Variants in EIF3A observed in about 807,000 individuals in gnomAD.
The protein encoded by EIF3A is EIF3, p180 subunit.
EIF3A carries 21 observed loss-of-function variants against 186.6 expected under a neutral mutation model. The observed-to-expected ratio is 0.11, with a 90% CI of 0.08 to 0.16. The LOEUF (loss-of-function observed/expected upper bound fraction) is 0.16. Ranked by LOEUF, EIF3A falls within the 10% of genes least tolerant of loss-of-function variation. EIF3A has a pLI of 1.00. For synonymous variants in EIF3A, 563 were observed against 584.3 expected (o/e 0.96, Z 0.52); for missense variants, 1,306 against 1,796.3 (o/e 0.73, Z 4.93).
intron 9 of EIF3A, 81 bp downstream of exon 9, chr10:119,060,665 G>C (rs2119819546): frequency 2.0e-6 from 2 of 1,017,012 alleles, no homozygotes; most frequent in East Asian, 2.6e-5. Flanking sequence ...TCACTTCCTA[G>C]GCAGTTCTAG....
intron 17 of EIF3A, among the ~76,000 whole-genome samples, chr10:119,045,718 C>T (rs1294020063): frequency 1.3e-5 from 2 of 152,188 alleles, no homozygotes; most frequent in African/African-American, 4.8e-5. Context: ...CATGCACCAC[C>T]ACGCCCAGCT....
chr10:119,066,701 A>G (rs896459536), intron 6 of EIF3A, among the ~76,000 whole-genome samples: 6 of 152,184 alleles, frequency 3.9e-5, no homozygotes, highest in African/African-American at 1.4e-4. Flanking sequence ...GCAGGACCCC[A>G]AAGACTGCGA....
chr10:119,078,226 G>A (rs922877006), intron 1 of EIF3A, among the ~76,000 whole-genome samples: 6 of 152,068 alleles, frequency 3.9e-5, no homozygotes, highest in South Asian at 4.1e-4. Context: ...CACCACTAAT[G>A]ATATAATATG....
rs7077347 is a variant in EIF3A at position 119,042,977 on chromosome 10, A to T, written c.2748-205T>A. ...AGACCAGCCTGGCCTGGCAAAACCC[A>T]TCTCTACTTAATTGTAAGACATGCG... is the stretch of plus-strand genomic sequence containing the variant. On this transcript the variant is annotated intron_variant, in intron 18 of 21. Coordinates refer to ENST00000369144, the MANE Select transcript of EIF3A (RefSeq NM_003750.4). This position sits in a 1 kb window ranked among gnomAD's most constrained non-coding sequence, Gnocchi z 7.8. 4.9e-3 allele frequency among the ~76,000 whole-genome samples: 740 copies of T among 152,036 alleles called. 6 individuals are homozygous for T. Among genetic ancestry groups the T allele is most frequent in the African/African-American group, 0.017 (704 of 41,424 alleles).
intron 7 of EIF3A, 132 bp from the exon 8 acceptor site, chr10:119,061,460 A>T (rs968286836): frequency 8.7e-6 from 4 of 461,380 alleles, no homozygotes; most frequent in African/African-American, 6.1e-5. Context: ...ACCTCCTCTA[A>T]ATTTACCAAA....
At chr10:119,061,892 A>AC (rs1554871554) in intron 7 of EIF3A, among the ~76,000 whole-genome samples, 1 of 152,024 alleles carries the variant, frequency 6.6e-6, no homozygotes, top group African/African-American at 2.4e-5. Context: ...GGAATATGTC[A>AC]TTTTTTTTAG....
chr10:119,063,761 G>C (rs1262740779), intron 7 of EIF3A, among the ~76,000 whole-genome samples: 1 of 152,118 alleles, frequency 6.6e-6, no homozygotes, highest in Non-Finnish European at 1.5e-5. Flanking sequence ...CCACTGAATG[G>C]AAGATTCCAT....
chr10:119,078,323 C>G lies in EIF3A; in HGVS notation c.49+2305G>C, dbSNP rs77438707. On this transcript the variant is annotated intron_variant, in intron 1 of 21. Transcript: ENST00000369144. ...AAGTTCTCACCTTCCTGAATGACTA[C>G]TATAATTTTTCCCCCAAAAATTGCT... Among the ~76,000 whole-genome samples, 1,490 of 152,264 alleles carry G rather than the reference C, an allele frequency of 9.8e-3. 16 individuals carry two copies. The highest frequency in any genetic ancestry group is 0.034 in the African/African-American group (1,394 of 41,548).
intron 7 of EIF3A, 136 bp downstream of exon 7, chr10:119,065,260 ATTG>A (rs1194355166): frequency 4.7e-6 from 3 of 643,074 alleles, no homozygotes; most frequent in Non-Finnish European, 8.0e-6. Flanking sequence ...GTGAACAGTG[ATTG>A]ACACCAGTGC....
intron 6 of EIF3A, among the ~76,000 whole-genome samples, chr10:119,066,030 C>G (rs1022523516): frequency 4.0e-4 from 60 of 151,764 alleles, no homozygotes; most frequent in Admixed American, 3.2e-3. Context: ...GCAGGAGAAT[C>G]GCATGAACCC....
chr10:119,061,935 G>C (rs1296917984), intron 7 of EIF3A, among the ~76,000 whole-genome samples: 1 of 151,988 alleles, frequency 6.6e-6, no homozygotes, highest in Non-Finnish European at 1.5e-5. Flanking sequence ...ATAACTGCTG[G>C]GATAGAGCAA....
At chr10:119,060,977 A>G in intron 8 of EIF3A, 133 bp from the exon 9 acceptor site, 1 of 664,572 alleles carries the variant, frequency 1.5e-6, no homozygotes, top group Non-Finnish European at 2.5e-6. Context: ...TCATGAAGCT[A>G]CTGATACTTG....
chr10:119,065,842 C>A (rs543804642), intron 6 of EIF3A, among the ~76,000 whole-genome samples: 1 of 152,116 alleles, frequency 6.6e-6, no homozygotes, highest in Non-Finnish European at 1.5e-5. Flanking sequence ...ATTGACCAGG[C>A]GCGGTGGCTC....
rs557261501 is a variant in EIF3A, at chr10:119,042,072, T to C, written c.3448A>G (p.Arg1150Gly). 7.4e-6 allele frequency: 12 copies of C among 1,614,086 alleles called. No individual in the cohort carries two copies. Among genetic ancestry groups the C allele is most frequent in the Non-Finnish European group, 1.0e-5 (12 of 1,180,034 alleles). ...GGAAACCGATCATCATCAGCACGTC[T>C]TGAAAGGCGATCATCATCCATGTTT... ...WRNMDDDRLS[R>G]RADDDRFPRR... The change falls in exon 19 of 22, where the codon AGA becomes GGA. Residue 1150 changes from arginine to glycine, a missense_variant. This residue lies in a region of EIF3A where 331 missense variants were observed against 365.8 expected (regional missense o/e 0.90). Transcript: ENST00000369144. This position sits in a 1 kb window ranked among gnomAD's most constrained non-coding sequence, Gnocchi z 7.8.
chr10:119,036,165 T>C lies in EIF3A; in HGVS notation c.4023A>G (p.Arg1341=). 6.2e-7 allele frequency: 1 copy of C among 1,613,764 alleles called. No homozygotes were observed. Among genetic ancestry groups the C allele is most frequent in the Non-Finnish European group, 8.5e-7 (1 of 1,179,884 alleles). The change falls in exon 22 of 22, where the codon AGA becomes AGG. Residue 1341 remains arginine (R), a synonymous_variant. Coordinates refer to ENST00000369144, the MANE Select transcript of EIF3A (RefSeq NM_003750.4). The part of the protein sequence containing the change: ...PPPALSRDRE[R]DRDREREGEK... ...CACCTTCTCTTTCTCGGTCTCGGTC[T>C]CTTTCTCGGTCTCTTGAAAGAGCTG...
chr10:119,059,946 T>C (rs10787902), intron 9 of EIF3A: 439,933 of 578,734 alleles, frequency 0.76, 172,767 homozygotes, highest in East Asian at 0.88. Context: ...ATCCTAGTTG[T>C]TGTAAAACAA....
intron 1 of EIF3A, among the ~76,000 whole-genome samples, chr10:119,075,240 A>T (rs1844147128): frequency 6.6e-6 from 1 of 152,120 alleles, no homozygotes; most frequent in Non-Finnish European, 1.5e-5. Flanking sequence ...GATTACAGGC[A>T]TGGGTCACCA....
Position 119,042,350 on chromosome 10 carries a change from C to A in EIF3A, c.3170G>T (p.Arg1057Leu). ...GPRRGGADDE[R>L]SSWRNADDDR... ...ATCATCAGCATTACGCCAGGATGAT[C>A]GCTCATCATCAGCGCCTCCTCGCCT... The change falls in exon 19 of 22, where the codon CGA becomes CTA. Residue 1057 changes from arginine (R) to leucine (L), a missense_variant. This residue lies in a region of EIF3A where 410 missense variants were observed against 473.5 expected (regional missense o/e 0.87). Coordinates refer to ENST00000369144, the MANE Select transcript of EIF3A (RefSeq NM_003750.4). This position sits in a 1 kb window ranked among gnomAD's most constrained non-coding sequence, Gnocchi z 7.8. 2 of 1,614,026 alleles carry A rather than the reference C, an allele frequency of 1.2e-6. No individual in the cohort carries two copies. Among genetic ancestry groups the A allele is most frequent in the South Asian group, 1.1e-5 (1 of 91,082 alleles).
At position 119,080,794 on chromosome 10, in the gene EIF3A, C is replaced by G; in HGVS notation, c.-118G>C. 4 of 1,436,842 alleles carry G rather than the reference C, an allele frequency of 2.8e-6. No homozygotes were observed. Among genetic ancestry groups the G allele is most frequent in the Non-Finnish European group, 3.7e-6 (4 of 1,091,332 alleles). The allele number at this position is 1,436,842 out of a possible 1,614,324, so 89.0% of individuals were successfully genotyped here. On this transcript the variant is annotated 5_prime_UTR_variant, in exon 1 of 22. Coordinates refer to ENST00000369144, the MANE Select transcript of EIF3A (RefSeq NM_003750.4). Reference sequence around the variant, plus strand: ...CGCGCCTCGCCAGCAGTCGCCCGCGCCCAGCCGGCCAGAGACGGAAAGGAA... The same window carrying G: ...CGCGCCTCGCCAGCAGTCGCCCGCGGCCAGCCGGCCAGAGACGGAAAGGAA...
Sources: gnomAD v4.1 joint callset for allele counts (sites outside exome capture counted in the v4.1 genomes callset) on GRCh38, gnomAD v4.1.1 for gene constraint, gnomAD v4.1.1 regional missense constraint, Gnocchi (gnomAD v3.1) non-coding constraint, MANE v1.5 for transcripts, NCBI Gene and HGNC (gene_info 2026-07-23, HGNC 2026-07-21) for gene names.